The following CCDC122 variants were observed in gnomAD, a reference collection of about 807,000 sequenced individuals.
The protein encoded by CCDC122 is coiled-coil domain containing 122.
CCDC122 carries 38 observed loss-of-function variants against 37.0 expected under a neutral mutation model. The observed-to-expected ratio is 1.03, with a 90% CI of 0.79 to 1.35. The LOEUF (loss-of-function observed/expected upper bound fraction) is 1.35, where lower values mean the gene tolerates loss of function less well. CCDC122 is among the 40% of genes most tolerant of loss of function. The probability of loss-of-function intolerance (pLI) is 0.00; values close to 1 mark genes in which losing one functional copy is unlikely to be tolerated. For synonymous variants in CCDC122, 83 were observed against 95.6 expected (o/e 0.87, Z 0.77); for missense variants, 305 against 310.0 (o/e 0.98, Z 0.12).
Position 43,840,035 on chromosome 13 carries a change from T to G in CCDC122, c.673-2606A>C, listed in dbSNP as rs183103624. ...CCTTATTTGAACACAGTTTGAACAC[T>G]CAGCAGTCTATGAGTGGTTGAAGTA... On this transcript the variant is annotated intron_variant, in intron 6 of 6. Transcript: ENST00000444614. Among the ~76,000 whole-genome samples, 31 of 152,294 alleles carry G rather than the reference T, an allele frequency of 2.0e-4. No individual in the cohort carries two copies. The East Asian group carries it at 3.3e-3, about 16-fold the overall frequency.
chr13:43,845,101 T>G (rs138965317), intron 6 of CCDC122, among the ~76,000 whole-genome samples: 10 of 152,318 alleles, frequency 6.6e-5, no homozygotes, highest in South Asian at 2.1e-4. Context: ...CCATTTCATT[T>G]CTTCCTTTGT....
chr13:43,847,241 C>T (rs924965183), intron 6 of CCDC122, among the ~76,000 whole-genome samples: 1 of 152,126 alleles, frequency 6.6e-6, no homozygotes, highest in South Asian at 2.1e-4. Flanking sequence ...ACATATACTA[C>T]ATTTACATAA....
intron 1 of CCDC122, among the ~76,000 whole-genome samples, chr13:43,876,829 A>G (rs549582705): frequency 6.6e-6 from 1 of 152,318 alleles, no homozygotes; most frequent in South Asian, 2.1e-4. Context: ...AAAAGATTAT[A>G]AAATATAGCG....
intron 6 of CCDC122, among the ~76,000 whole-genome samples, chr13:43,846,691 T>C (rs2153871543): frequency 6.6e-6 from 1 of 152,288 alleles, no homozygotes; most frequent in East Asian, 1.9e-4. Flanking sequence ...GATGCTGAAA[T>C]CTCTACTCAG....
intron 3 of CCDC122, among the ~76,000 whole-genome samples, chr13:43,825,499 G>A (rs1026721009): frequency 2.0e-5 from 3 of 151,986 alleles, no homozygotes; most frequent in African/African-American, 7.2e-5. Context: ...GCCAGGGATG[G>A]TGGCTCACGC....
At chr13:43,864,981 G>A (rs1374499735) in intron 4 of CCDC122, among the ~76,000 whole-genome samples, 2 of 152,192 alleles carry the variant, frequency 1.3e-5, no homozygotes, top group Non-Finnish European at 1.5e-5. Context: ...TAAACTATGC[G>A]GGGTTGAGAG....
chr13:43,861,342 C>T (rs1189539825), intron 4 of CCDC122, among the ~76,000 whole-genome samples: 5 of 152,128 alleles, frequency 3.3e-5, no homozygotes, highest in African/African-American at 1.2e-4. Flanking sequence ...GAAGTGTGTC[C>T]ATCCATTATG....
intron 4 of CCDC122, among the ~76,000 whole-genome samples, chr13:43,865,881 T>C (rs1390415115): frequency 6.6e-6 from 1 of 152,204 alleles, no homozygotes; most frequent in Non-Finnish European, 1.5e-5. Flanking sequence ...TTTCACCTTC[T>C]CACTTAAAGT....
At chr13:43,866,126 G>A (rs908922702) in intron 4 of CCDC122, among the ~76,000 whole-genome samples, 5 of 152,164 alleles carry the variant, frequency 3.3e-5, no homozygotes, top group African/African-American at 1.2e-4. Context: ...AGGACAATGC[G>A]AGATTTCATC....
At chr13:43,824,828 C>T (rs1403092231) in intron 3 of CCDC122, among the ~76,000 whole-genome samples, 3 of 152,100 alleles carry the variant, frequency 2.0e-5, no homozygotes, top group Non-Finnish European at 4.4e-5. Context: ...CAGAGAAATG[C>T]AAATCAAACC....
intron 4 of CCDC122, among the ~76,000 whole-genome samples, chr13:43,863,395 A>G (rs1157284773): frequency 6.6e-6 from 1 of 152,168 alleles, no homozygotes; most frequent in Non-Finnish European, 1.5e-5. Flanking sequence ...GTATGGATAT[A>G]CCATATTAGT....
At chr13:43,847,264 C>T (rs1322208346) in intron 6 of CCDC122, among the ~76,000 whole-genome samples, 1 of 152,108 alleles carries the variant, frequency 6.6e-6, no homozygotes, top group East Asian at 1.9e-4. Flanking sequence ...TTCTTCCACC[C>T]ACAGGGGTTT....
Position 43,869,322 on chromosome 13 carries a change from T to C in CCDC122, c.46+9A>G, listed in dbSNP as rs772138271. ...TTTAATTATTTATTTCTTAAGACTGTTTCATTACCTTCTTTAGGAAATCCT... is the reference window on the plus strand; with the variant it reads ...TTTAATTATTTATTTCTTAAGACTGCTTCATTACCTTCTTTAGGAAATCCT... On this transcript the variant is annotated intron_variant, in intron 3 of 6. Transcript: ENST00000444614. The C allele has an allele frequency of 6.3e-7, 1 of 1,591,846 alleles. No homozygotes were observed. Among genetic ancestry groups the C allele is most frequent in the South Asian group, 1.1e-5 (1 of 90,008 alleles).
chr13:43,837,502 AC>A, intron 6 of CCDC122, 73 bp from the exon 7 acceptor site: 1 of 1,361,500 alleles, frequency 7.3e-7, no homozygotes, highest in South Asian at 1.4e-5. Flanking sequence ...TAATATTTTG[AC>A]TACTCTAAAG....
downstream of CCDC122, among the ~76,000 whole-genome samples, chr13:43,822,828 C>G (rs1953004831): frequency 6.6e-6 from 1 of 152,066 alleles, no homozygotes; most frequent in Non-Finnish European, 1.5e-5. Flanking sequence ...TGAGACTCAC[C>G]CTTCAGAGTG....
intron 1 of CCDC122, among the ~76,000 whole-genome samples, chr13:43,875,882 C>A (rs1954595122): frequency 6.6e-6 from 1 of 152,184 alleles, no homozygotes; most frequent in African/African-American, 2.4e-5. Flanking sequence ...TGGCTCCCTC[C>A]CTTACAAGGC....
chr13:43,860,144 ATAAT>A (rs1375283850), intron 4 of CCDC122, 74 bp from the exon 5 acceptor site: 2 of 741,794 alleles, frequency 2.7e-6, no homozygotes, highest in Non-Finnish European at 3.8e-6. Context: ...GTTTTAATCC[ATAAT>A]GAATATAGGA....
intron 4 of CCDC122, among the ~76,000 whole-genome samples, chr13:43,864,968 C>A (rs1954225950): frequency 6.6e-6 from 1 of 152,022 alleles, no homozygotes; most frequent in Non-Finnish European, 1.5e-5. Context: ...CCATAGGAAA[C>A]CTTAAACTAT....
chr13:43,847,846 C>G (rs1346296655), intron 6 of CCDC122, among the ~76,000 whole-genome samples: 1 of 152,150 alleles, frequency 6.6e-6, no homozygotes, highest in Non-Finnish European at 1.5e-5. Flanking sequence ...ACAATCTCAG[C>G]TCATTGCAAC....
Sources: gnomAD v4.1 joint callset for allele counts (sites outside exome capture counted in the v4.1 genomes callset) on GRCh38, gnomAD v4.1.1 for gene constraint, MANE v1.5 for transcripts, NCBI Gene and HGNC (gene_info 2026-07-23, HGNC 2026-07-21) for gene names.